KLB: variants seen among roughly 807,000 people sequenced by gnomAD.
KLB encodes the protein beta-klotho.
A neutral mutation model predicts 88.4 loss-of-function variants in KLB; 44 were observed. That is an observed-to-expected ratio of 0.50 (90% CI 0.39 to 0.64). The LOEUF (loss-of-function observed/expected upper bound fraction) is 0.64, where lower values mean the gene tolerates loss of function less well. Among genes scored for constraint, KLB ranks in the 30% least tolerant of loss-of-function variants. The pLI, the probability that KLB is intolerant of heterozygous loss-of-function variation, is 0.00. For synonymous variants in KLB, 548 were observed against 513.4 expected, an observed-to-expected ratio of 1.07 and a Z score of -0.91; for missense variants, 1,137 against 1,304.8, an observed-to-expected ratio of 0.87 and a Z score of 1.98.
intron 1 of KLB, among the ~76,000 whole-genome samples, chr4:39,408,281 G>T (rs1368611356): frequency 6.6e-6 from 1 of 152,068 alleles, no homozygotes; most frequent in Non-Finnish European, 1.5e-5. Context: ...CTTCACTTTT[G>T]ATTTTATTTG....
Position 39,407,511 on chromosome 4 carries a change from G to A in KLB, c.562G>A (p.Glu188Lys), listed in dbSNP as rs1742757160. 6.2e-7 allele frequency: 1 copy of A among 1,614,142 alleles called. No homozygotes were observed. The highest frequency in any genetic ancestry group is 8.5e-7 in the Non-Finnish European group (1 of 1,180,006). Residue 188 changes from glutamate to lysine, a missense_variant, in exon 1 of 5, where the codon GAA becomes AAA. By Grantham distance (56) the Glu-to-Lys change is moderately conservative. This residue lies in a region of KLB where 597 missense variants were observed against 765.2 expected (regional missense o/e 0.78). Coordinates refer to ENST00000257408, the MANE Select transcript of KLB (RefSeq NM_175737.4). ...GGACGCTCTAGTGCTTAGAAACATT[G>A]AACCTATAGTTACTTTATACCACTG... ...LLDALVLRNI[E>K]PIVTLYHWDL...
At position 39,450,214 on chromosome 4, in the gene KLB, A is replaced by T. The variant is rs1743860819; in HGVS notation, c.*1528A>T. The T allele has an allele frequency of 6.6e-6, 1 of 152,230 alleles. No individual in the cohort carries two copies. The highest frequency in any genetic ancestry group is 6.5e-5 in the Admixed American group (1 of 15,284). The allele number at this position is 152,230 out of a possible 1,614,324, so 9.4% of individuals were successfully genotyped here. A position where few individuals can be genotyped will look rare whatever the true frequency, so the allele number is the denominator to read the frequency against. On this transcript the variant is annotated 3_prime_UTR_variant, in exon 5 of 5. Coordinates refer to ENST00000257408, the MANE Select transcript of KLB (RefSeq NM_175737.4). The stretch of plus-strand genomic sequence containing the variant: ...TTTAAACATCTGAGGAAGAAAACTT[A>T]AATATGCACCTATTTATACCTATTC...
At chr4:39,408,231 T>A (rs991962965) in intron 1 of KLB, among the ~76,000 whole-genome samples, 1 of 152,204 alleles carries the variant, frequency 6.6e-6, no homozygotes, top group Non-Finnish European at 1.5e-5. Context: ...AAATAAATGT[T>A]AGCTAACTCA....
intron 1 of KLB, among the ~76,000 whole-genome samples, chr4:39,418,359 C>T (rs1341621022): frequency 6.6e-6 from 1 of 152,076 alleles, no homozygotes; most frequent in Non-Finnish European, 1.5e-5. Context: ...CCTGCCTCAG[C>T]CTCCCAAGTA....
At chr4:39,440,445 C>A (rs1310841093) in intron 3 of KLB, among the ~76,000 whole-genome samples, 1 of 151,682 alleles carries the variant, frequency 6.6e-6, no homozygotes, top group African/African-American at 2.4e-5. Flanking sequence ...CATGCCCAGA[C>A]ATGCCTGTAT....
chr4:39,415,744 AT>A (rs1742951190), intron 1 of KLB, among the ~76,000 whole-genome samples: 3 of 152,026 alleles, frequency 2.0e-5, no homozygotes, highest in Non-Finnish European at 4.4e-5. Context: ...CGCTTTTTAT[AT>A]TTTTTTATTA....
chr4:39,419,435 A>G (rs1743031071), intron 1 of KLB, among the ~76,000 whole-genome samples: 1 of 152,190 alleles, frequency 6.6e-6, no homozygotes, highest in South Asian at 2.1e-4. Flanking sequence ...TAAGTCATGT[A>G]ATAACATATA....
intron 1 of KLB, among the ~76,000 whole-genome samples, chr4:39,414,398 G>A (rs563393360): frequency 1.7e-4 from 25 of 151,492 alleles, no homozygotes; most frequent in African/African-American, 5.1e-4. Context: ...TTCACATATC[G>A]AGAATAAAGA....
chr4:39,430,592 A>ATT (rs1743325483), intron 1 of KLB, among the ~76,000 whole-genome samples: 1 of 110,762 alleles, frequency 9.0e-6, no homozygotes, highest in East Asian at 2.5e-4. Context: ...TCTGAGAGGA[A>ATT]ATTTTTTTTT....
In KLB at chr4:39,449,712, G is replaced by A. The variant is rs1045211926; in HGVS notation, c.*1026G>A. 1.3e-5 allele frequency: 2 copies of A among 152,116 alleles called. No individual in the cohort carries two copies. Among genetic ancestry groups the A allele is most frequent in the African/African-American group, 4.8e-5 (2 of 41,360 alleles). The allele number at this position is 152,116 out of a possible 1,614,324, so 9.4% of individuals were successfully genotyped here. A position where few individuals can be genotyped will look rare whatever the true frequency, so the allele number is the denominator to read the frequency against. On this transcript the variant is annotated 3_prime_UTR_variant, in exon 5 of 5. Transcript: ENST00000257408. ...GGCCAAGGCAGGTGGATCACCTGAG[G>A]TTAGGAGTTCGAGACTAGCCTGGCC... is the stretch of plus-strand genomic sequence containing the variant.
At chr4:39,433,926 C>G (rs1743416009) in intron 1 of KLB, among the ~76,000 whole-genome samples, 1 of 151,946 alleles carries the variant, frequency 6.6e-6, no homozygotes, top group Admixed American at 6.6e-5. Flanking sequence ...GGAGGAAACC[C>G]TACACACTAC....
Position 39,437,105 on chromosome 4 carries a change from C to A in KLB, c.1337-622C>A, listed in dbSNP as rs567526673. 1.2e-4 allele frequency among the ~76,000 whole-genome samples: 18 copies of A among 152,298 alleles called. 1 individual carries two copies. The South Asian group carries it at 3.3e-3, about 28-fold the overall frequency. The stretch of plus-strand genomic sequence containing the variant: ...GTCCTTAGAGATCCTATTTTCCAAT[C>A]TTTTTTGTTTAAAAATGAGGAAACC... On this transcript the variant is annotated intron_variant, in intron 2 of 4. Transcript: ENST00000257408.
chr4:39,415,635 G>A lies in KLB; in HGVS notation c.825+7861G>A, dbSNP rs2109821857. On this transcript the variant is annotated intron_variant, in intron 1 of 4. Transcript: ENST00000257408. ...CCAAATTTATGTGCATGTGTTATTA[G>A]CATTTAAAATATTTATTCTATTAAT... Among the ~76,000 whole-genome samples, 3 of 152,030 alleles carry A rather than the reference G, an allele frequency of 2.0e-5. No individual in the cohort carries two copies. The South Asian group carries it at 6.2e-4, about 32-fold the overall frequency.
chr4:39,420,796 A>G (rs958941914), intron 1 of KLB, among the ~76,000 whole-genome samples: 1 of 152,200 alleles, frequency 6.6e-6, no homozygotes, highest in Admixed American at 6.5e-5. Flanking sequence ...GATTACAGGC[A>G]TGAACCACCA....
At chr4:39,431,624 G>C (rs545235823) in intron 1 of KLB, among the ~76,000 whole-genome samples, 1 of 152,346 alleles carries the variant, frequency 6.6e-6, no homozygotes, top group East Asian at 1.9e-4. Flanking sequence ...AATGAAAATT[G>C]AGTAAGGACA....
chr4:39,445,510 T>C (rs1431766849), intron 3 of KLB, among the ~76,000 whole-genome samples: 2 of 150,454 alleles, frequency 1.3e-5, no homozygotes, highest in Non-Finnish European at 3.0e-5. Context: ...TTTTCTTTTT[T>C]TTTTTTTTTT....
chr4:39,432,311 A>C (rs528952384), intron 1 of KLB, among the ~76,000 whole-genome samples: 3 of 152,054 alleles, frequency 2.0e-5, no homozygotes, highest in Admixed American at 2.0e-4. Flanking sequence ...AACTCAAATA[A>C]TGGAGAAAAT....
intron 1 of KLB, among the ~76,000 whole-genome samples, chr4:39,421,750 G>A (rs1490517359): frequency 1.1e-4 from 16 of 149,700 alleles, no homozygotes; most frequent in African/African-American, 2.7e-4. Context: ...GCAACACTCC[G>A]TCAAAAAAAA....
At chr4:39,423,913 C>T (rs780235504) in intron 1 of KLB, among the ~76,000 whole-genome samples, 3 of 151,648 alleles carry the variant, frequency 2.0e-5, no homozygotes, top group Admixed American at 6.6e-5. Context: ...TGGCCAGGTA[C>T]AGTAGCTCAG....
Sources: gnomAD v4.1 joint callset for allele counts (sites outside exome capture counted in the v4.1 genomes callset) on GRCh38, gnomAD v4.1.1 for gene constraint, gnomAD v4.1.1 regional missense constraint, MANE v1.5 for transcripts, NCBI Gene and HGNC (gene_info 2026-07-23, HGNC 2026-07-21) for gene names.